The following ICA1 variants were observed in gnomAD, a reference collection of about 807,000 sequenced individuals.
ICA1 encodes the protein islet cell autoantigen 1.
Under a neutral mutation model 71.0 loss-of-function variants are expected in ICA1, and 40 were observed. That is an observed-to-expected ratio of 0.56 (90% CI 0.44 to 0.73). The LOEUF (loss-of-function observed/expected upper bound fraction) is 0.73, where lower values mean the gene tolerates loss of function less well. Among genes scored for constraint, ICA1 ranks in the 30% least tolerant of loss-of-function variants. The pLI is 0.00. For synonymous variants in ICA1, 207 were observed against 209.5 expected, an observed-to-expected ratio of 0.99 and a Z score of 0.10; for missense variants, 578 against 576.5, an observed-to-expected ratio of 1.00 and a Z score of -0.03.
chr7:8,143,894 C>A lies in ICA1; in HGVS notation c.883G>T (p.Ala295Ser). 1.2e-6 allele frequency: 2 copies of A among 1,611,156 alleles called. No individual in the cohort carries two copies. Among genetic ancestry groups the A allele is most frequent in the Non-Finnish European group, 8.5e-7 (1 of 1,177,446 alleles). ...ACTTACTGGCTCGGCTCCTGCACGG[C>A]TGCATCTGTACTTTCCTGCTGGTTG... ...KINQQESTDA[A>S]VQEPSQLISL... Residue 295 changes from alanine (A) to serine (S), a missense_variant, in exon 9 of 14, where the codon GCC becomes TCC. Transcript: ENST00000402384.
intron 6 of ICA1, among the ~76,000 whole-genome samples, chr7:8,188,645 G>C (rs548659799): frequency 2.0e-4 from 30 of 152,212 alleles, no homozygotes; most frequent in Non-Finnish European, 2.8e-4. Flanking sequence ...GCAAGAGGTA[G>C]CTGGGACTTC....
chr7:8,256,671 G>A (rs143352431), intron 1 of ICA1, among the ~76,000 whole-genome samples: 1 of 152,264 alleles, frequency 6.6e-6, no homozygotes, highest in Non-Finnish European at 1.5e-5. Flanking sequence ...TGGTGCCACT[G>A]CACTCCTGTA....
At chr7:8,156,816 T>A (rs1801683580) in intron 8 of ICA1, 1 of 1,475,302 alleles carries the variant, frequency 6.8e-7, no homozygotes, top group African/African-American at 1.4e-5. Context: ...GGACCAATCA[T>A]TAGACTCAAG....
At chr7:8,147,443 T>C (rs1426899713) in intron 8 of ICA1, among the ~76,000 whole-genome samples, 2 of 152,162 alleles carry the variant, frequency 1.3e-5, no homozygotes, top group Admixed American at 6.6e-5. Flanking sequence ...ATTGCTCCTC[T>C]CTTCCTACTA....
chr7:8,143,028 A>C (rs2128129563), intron 9 of ICA1, among the ~76,000 whole-genome samples: 1 of 152,370 alleles, frequency 6.6e-6, no homozygotes, highest in Non-Finnish European at 1.5e-5. Flanking sequence ...TAAAAGTATA[A>C]GCCTGTTTTA....
intron 1 of ICA1, among the ~76,000 whole-genome samples, chr7:8,245,773 C>T (rs934763147): frequency 6.6e-6 from 1 of 152,120 alleles, no homozygotes; most frequent in Non-Finnish European, 1.5e-5. Flanking sequence ...TTCAGCAAAT[C>T]TCAATTCACA....
chr7:8,172,005 C>G (rs560651650), intron 6 of ICA1, among the ~76,000 whole-genome samples: 7 of 151,830 alleles, frequency 4.6e-5, no homozygotes, highest in Non-Finnish European at 8.8e-5. Flanking sequence ...TTATTCAGAC[C>G]TGTTTTATAA....
chr7:8,127,038 A>C (rs1288547315), intron 13 of ICA1, among the ~76,000 whole-genome samples: 2 of 151,694 alleles, frequency 1.3e-5, no homozygotes, highest in African/African-American at 4.9e-5. Flanking sequence ...GCAGTGGCAC[A>C]ATCTTGGCTC....
At chr7:8,185,393 T>TCCAC (rs1170697027) in intron 6 of ICA1, among the ~76,000 whole-genome samples, 2 of 152,132 alleles carry the variant, frequency 1.3e-5, no homozygotes, top group African/African-American at 2.4e-5. Context: ...CATCCATCCA[T>TCCAC]CCACCCACCC....
rs1480949910 is a variant in ICA1, at chr7:8,222,818, G to A, written c.257-1420C>T. ...GATCCCTATTTCTCCGGACAGCAGTGCTCTCTGGGCACCTGACTTAGCACT... is the reference window on the plus strand; with the variant it reads ...GATCCCTATTTCTCCGGACAGCAGTACTCTCTGGGCACCTGACTTAGCACT... On this transcript the variant is annotated intron_variant, in intron 4 of 13. Coordinates refer to ENST00000402384, the MANE Select transcript of ICA1 (RefSeq NM_001136020.3). This position sits in a 1 kb window ranked among gnomAD's most constrained non-coding sequence, Gnocchi z 4.8. 6.6e-6 allele frequency among the ~76,000 whole-genome samples: 1 copy of A among 152,166 alleles called. No homozygotes were observed. The highest frequency in any genetic ancestry group is 2.4e-5 in the African/African-American group (1 of 41,436).
intron 1 of ICA1, 62 bp from the exon 2 acceptor site, chr7:8,236,067 C>A (rs1341715706): frequency 1.1e-6 from 1 of 903,086 alleles, no homozygotes. Flanking sequence ...ATTAATGTGA[C>A]ACACATAAAA....
At chr7:8,246,740 A>G (rs1806164367) in intron 1 of ICA1, among the ~76,000 whole-genome samples, 1 of 152,132 alleles carries the variant, frequency 6.6e-6, no homozygotes, top group East Asian at 1.9e-4. Context: ...TGCAATAACT[A>G]TGCTCATTTT....
rs1256951915 is a variant in ICA1 at position 8,158,661 on chromosome 7, A to G, written c.580-9T>C. 6.2e-7 allele frequency: 1 copy of G among 1,613,720 alleles called. No individual in the cohort carries two copies. Among genetic ancestry groups the G allele is most frequent in the African/African-American group, 1.3e-5 (1 of 74,994 alleles). Reference sequence around the variant, plus strand: ...CGCACTTGTGTTTGTACCTATGAAAATAAAGAGGAATTTCTGAATCACCCT... The same window carrying G: ...CGCACTTGTGTTTGTACCTATGAAAGTAAAGAGGAATTTCTGAATCACCCT... On this transcript the variant is annotated splice_polypyrimidine_tract_variant and intron_variant, in intron 6 of 13. Coordinates refer to ENST00000402384, the MANE Select transcript of ICA1 (RefSeq NM_001136020.3).
At chr7:8,248,057 A>G (rs1013852845) in intron 1 of ICA1, among the ~76,000 whole-genome samples, 5 of 152,290 alleles carry the variant, frequency 3.3e-5, no homozygotes, top group African/African-American at 1.2e-4. Context: ...TAGATCAACT[A>G]TTTCTTTTTA....
intron 12 of ICA1, among the ~76,000 whole-genome samples, chr7:8,134,002 A>G (rs946073185): frequency 6.6e-6 from 1 of 152,140 alleles, no homozygotes; most frequent in Admixed American, 6.6e-5. Flanking sequence ...CCCAACTCAC[A>G]GTCAAGGTGT....
At chr7:8,172,495 T>C (rs907035868) in intron 6 of ICA1, among the ~76,000 whole-genome samples, 1 of 152,184 alleles carries the variant, frequency 6.6e-6, no homozygotes, top group African/African-American at 2.4e-5. Flanking sequence ...ATGGACAGCA[T>C]AGAGCTAGAT....
intron 1 of ICA1, among the ~76,000 whole-genome samples, chr7:8,254,782 A>G (rs1020160317): frequency 3.9e-5 from 6 of 152,072 alleles, no homozygotes; most frequent in African/African-American, 1.2e-4. Flanking sequence ...GCACAAACAC[A>G]ACACAATGTT....
intron 13 of ICA1, among the ~76,000 whole-genome samples, chr7:8,122,526 G>A (rs113328523): frequency 2.6e-5 from 4 of 152,216 alleles, no homozygotes; most frequent in African/African-American, 7.2e-5. Context: ...GCACTTTGGC[G>A]GAACTCCGTT....
intron 9 of ICA1, among the ~76,000 whole-genome samples, chr7:8,143,149 T>G (rs1795783554): frequency 6.6e-6 from 1 of 152,226 alleles, no homozygotes; most frequent in South Asian, 2.1e-4. Context: ...TTAACTGCAT[T>G]CCTGCAAGCT....
Sources: allele counts gnomAD v4.1 joint callset (sites outside exome capture counted in the v4.1 genomes callset), GRCh38; gene constraint gnomAD v4.1.1; non-coding constraint Gnocchi (gnomAD v3.1); transcripts MANE v1.5; gene names NCBI Gene and HGNC (gene_info 2026-07-23, HGNC 2026-07-21).